Variants in RNF216 observed in about 807,000 individuals in gnomAD.
RNF216 encodes E3 ubiquitin-protein ligase RNF216.
Under a neutral mutation model 110.8 loss-of-function variants are expected in RNF216, and 72 were observed. The ratio of observed to expected loss-of-function variants is 0.65; its 90% confidence interval spans 0.54 to 0.79. RNF216 has a LOEUF of 0.79. Among genes scored for constraint, RNF216 ranks in the 30% least tolerant of loss-of-function variants. The probability of loss-of-function intolerance (pLI) is 0.00; values close to 1 mark genes in which losing one functional copy is unlikely to be tolerated. For missense variants in RNF216, 1,342 were observed against 1,141.2 expected (o/e 1.18, Z -2.54); for synonymous variants, 495 against 407.5 (o/e 1.21, Z -2.59).
chr7:5,743,928 C>T (rs1164433322), intron 3 of RNF216, among the ~76,000 whole-genome samples: 1 of 152,156 alleles, frequency 6.6e-6, no homozygotes, highest in African/African-American at 2.4e-5. Context: ...CAATTAAGAT[C>T]CTCTATAGAG....
chr7:5,743,246 G>C (rs1350881514), intron 3 of RNF216, among the ~76,000 whole-genome samples: 1 of 151,968 alleles, frequency 6.6e-6, no homozygotes, highest in Non-Finnish European at 1.5e-5. Flanking sequence ...TGGAGACAGA[G>C]CAAGACTCTG....
At chr7:5,658,225 C>T (rs1012313049) in intron 13 of RNF216, among the ~76,000 whole-genome samples, 4 of 152,184 alleles carry the variant, frequency 2.6e-5, no homozygotes, top group East Asian at 1.9e-4. Flanking sequence ...CTTAGTGAAA[C>T]GCTTTTCCAG....
At chr7:5,674,975 C>T (rs1169061482) in intron 13 of RNF216, among the ~76,000 whole-genome samples, 2 of 151,858 alleles carry the variant, frequency 1.3e-5, no homozygotes, top group Non-Finnish European at 2.9e-5. Context: ...CCAGCCTGGG[C>T]GACAGAGAGA....
chr7:5,652,317 G>T, intron 14 of RNF216, 96 bp downstream of exon 14: 1 of 868,010 alleles, frequency 1.2e-6, no homozygotes, highest in Non-Finnish European at 1.9e-6. Context: ...TGGCTCAAGC[G>T]TGTTCTTCCG....
intron 13 of RNF216, among the ~76,000 whole-genome samples, chr7:5,674,141 T>C (rs1238650319): frequency 6.6e-6 from 1 of 152,014 alleles, no homozygotes; most frequent in African/African-American, 2.4e-5. Context: ...ACGATTCTCC[T>C]GCCTCAGCCT....
At chr7:5,657,453 G>A (rs1788817788) in intron 13 of RNF216, among the ~76,000 whole-genome samples, 1 of 152,156 alleles carries the variant, frequency 6.6e-6, no homozygotes, top group African/African-American at 2.4e-5. Context: ...TATAATCCCA[G>A]CTACTCAGGA....
intron 13 of RNF216, among the ~76,000 whole-genome samples, chr7:5,682,316 C>T (rs1459101050): frequency 6.6e-6 from 1 of 152,182 alleles, no homozygotes; most frequent in Non-Finnish European, 1.5e-5. Flanking sequence ...ACCCGTCCCT[C>T]TAAAAGGGCA....
chr7:5,630,220 G>T (rs1461946035), intron 15 of RNF216, among the ~76,000 whole-genome samples: 1 of 152,126 alleles, frequency 6.6e-6, no homozygotes, highest in Non-Finnish European at 1.5e-5. Flanking sequence ...TCATTTTAAA[G>T]CAGTGCTGGC....
chr7:5,759,072 A>G (rs1795792120), intron 2 of RNF216, among the ~76,000 whole-genome samples: 1 of 152,156 alleles, frequency 6.6e-6, no homozygotes, highest in African/African-American at 2.4e-5. Flanking sequence ...TGGTTGCAAC[A>G]GTGAGTTCTT....
At chr7:5,761,558 C>A (rs1284483708) in intron 1 of RNF216, among the ~76,000 whole-genome samples, 3 of 152,076 alleles carry the variant, frequency 2.0e-5, no homozygotes, top group Admixed American at 6.6e-5. Context: ...GAGGCCGAGG[C>A]GGGCAGGTCA....
chr7:5,667,191 AG>A (rs1470420167), intron 13 of RNF216, among the ~76,000 whole-genome samples: 4 of 152,224 alleles, frequency 2.6e-5, no homozygotes, highest in Non-Finnish European at 5.9e-5. Context: ...ATTTAAAGTT[AG>A]AACAAAAATA....
chr7:5,684,612 T>C (rs1045530352), intron 13 of RNF216, among the ~76,000 whole-genome samples: 3 of 152,212 alleles, frequency 2.0e-5, no homozygotes, highest in African/African-American at 7.2e-5. Context: ...CCATCCCATG[T>C]AGCCACGTAG....
At chr7:5,698,866 G>C (rs1032726464) in intron 13 of RNF216, among the ~76,000 whole-genome samples, 1 of 152,052 alleles carries the variant, frequency 6.6e-6, no homozygotes, top group African/African-American at 2.4e-5. Context: ...ACATTTTCCT[G>C]TTATGTTGCA....
chr7:5,737,007 C>G (rs2128648885), intron 5 of RNF216, among the ~76,000 whole-genome samples: 1 of 152,336 alleles, frequency 6.6e-6, no homozygotes. Flanking sequence ...CCGGCCGCCA[C>G]CCCGTCTGGG....
intron 1 of RNF216, among the ~76,000 whole-genome samples, chr7:5,761,728 G>C (rs989295319): frequency 6.6e-6 from 1 of 151,854 alleles, no homozygotes; most frequent in African/African-American, 2.4e-5. Context: ...TGAAGTTGCA[G>C]TGAGCCAAGA....
intron 15 of RNF216, among the ~76,000 whole-genome samples, chr7:5,628,556 T>C (rs957802732): frequency 6.6e-6 from 1 of 152,324 alleles, no homozygotes; most frequent in Admixed American, 6.5e-5. Context: ...AGTGTCTTGC[T>C]CTGCTGTCCA....
Position 5,621,760 on chromosome 7 carries a change from CAG to C in RNF216, c.*1098_*1099del, listed in dbSNP as rs1405644270. 7 of 152,890 alleles carry C rather than the reference CAG, an allele frequency of 4.6e-5. No homozygotes were observed. In the East Asian group the frequency reaches 7.7e-4, roughly 17 times the overall value. 9.5% of individuals were successfully genotyped at this position (152,890 alleles called of 1,614,324 possible). Reference sequence around the variant, plus strand: ...TCAGACCTCTCATCTGTCAATGGGCCAGAGTGATGCCTCAGGCACCGCTAGAA... The same window carrying C: ...TCAGACCTCTCATCTGTCAATGGGCCAGTGATGCCTCAGGCACCGCTAGAA... On this transcript the variant is annotated 3_prime_UTR_variant, in exon 17 of 17. Coordinates refer to ENST00000389902, the MANE Select transcript of RNF216 (RefSeq NM_207111.4).
intron 15 of RNF216, among the ~76,000 whole-genome samples, chr7:5,628,685 CT>C (rs11314929): frequency 0.38 from 52,216 of 138,806 alleles, 10,311 homozygotes; most frequent in East Asian, 0.94. Context: ...CCATATCTGA[CT>C]TTTTTTTTTT....
At chr7:5,653,308 G>A (rs1788511069) in intron 13 of RNF216, among the ~76,000 whole-genome samples, 1 of 151,906 alleles carries the variant, frequency 6.6e-6, no homozygotes, top group South Asian at 2.1e-4. Flanking sequence ...ATAATTTAAA[G>A]AGCCAGGCGC....
Sources: allele counts gnomAD v4.1 joint callset (sites outside exome capture counted in the v4.1 genomes callset), GRCh38; gene constraint gnomAD v4.1.1; transcripts MANE v1.5; gene names NCBI Gene and HGNC (gene_info 2026-07-23, HGNC 2026-07-21).